The following MARCHF1 variants were observed in gnomAD, a reference collection of about 807,000 sequenced individuals.
MARCHF1 encodes membrane associated ring-CH-type finger 1, also known as E3 ubiquitin-protein ligase MARCHF1.
In MARCHF1, 40 loss-of-function variants were observed where a neutral mutation model predicts 54.2. The observed-to-expected ratio is 0.74, with a 90% CI of 0.57 to 0.96. The LOEUF (loss-of-function observed/expected upper bound fraction) is 0.96, where lower values mean the gene tolerates loss of function less well. MARCHF1 is among the 40% of genes least tolerant of loss of function. The pLI is 0.00. For missense variants in MARCHF1, 586 were observed against 656.5 expected (o/e 0.89, Z 1.17); for synonymous variants, 236 against 236.3 (o/e 1.00, Z 0.01).
At chr4:164,292,588 C>G (rs946394493) in intron 1 of MARCHF1, among the ~76,000 whole-genome samples, 1 of 152,122 alleles carries the variant, frequency 6.6e-6, no homozygotes, top group African/African-American at 2.4e-5. Flanking sequence ...TGTCATGCCA[C>G]AAGGATTAAC....
chr4:163,679,981 T>A, intron 5 of MARCHF1, among the ~76,000 whole-genome samples: 1 of 2,208 alleles, frequency 4.5e-4, no homozygotes, highest in South Asian at 0.036. Flanking sequence ...TTTTATCTGT[T>A]TTTTTTTTTT....
intron 1 of MARCHF1, among the ~76,000 whole-genome samples, chr4:164,167,981 C>T (rs935705628): frequency 6.6e-6 from 1 of 151,806 alleles, no homozygotes; most frequent in African/African-American, 2.4e-5. Context: ...AATGAAAAGC[C>T]AATCTAGGTA....
At position 164,134,827 on chromosome 4, in the gene MARCHF1, G is replaced by A. The variant is rs112474799; in HGVS notation, c.-322-23165C>T. On this transcript the variant is annotated intron_variant, in intron 1 of 9. Coordinates refer to ENST00000514618, the MANE Select transcript of MARCHF1 (RefSeq NM_001394959.1). ...AAAGCACAAAAACAAGTATTATGGA[G>A]TCTGTCAGAGAATCAGTCTTAGTAA... is the stretch of plus-strand genomic sequence containing the variant. 5.1e-3 allele frequency among the ~76,000 whole-genome samples: 749 copies of A among 147,100 alleles called. 2 individuals carry two copies. Among genetic ancestry groups the A allele is most frequent in the African/African-American group, 0.017 (695 of 40,096 alleles).
At chr4:164,004,049 A>G (rs1753236952) in intron 2 of MARCHF1, among the ~76,000 whole-genome samples, 1 of 152,084 alleles carries the variant, frequency 6.6e-6, no homozygotes, top group South Asian at 2.1e-4. Flanking sequence ...AAAACCAAGT[A>G]TTGCCTGTGT....
intron 3 of MARCHF1, among the ~76,000 whole-genome samples, chr4:163,903,231 TTCCCTTG>T (rs1028987471): frequency 5.2e-5 from 2 of 38,712 alleles, no homozygotes; most frequent in African/African-American, 1.1e-4. Flanking sequence ...CTGATCTTCC[TTCCCTTG>T]TGTGTGTGTG....
chr4:164,378,775 G>A (rs985771244), intron 1 of MARCHF1, among the ~76,000 whole-genome samples: 21 of 152,190 alleles, frequency 1.4e-4, no homozygotes, highest in South Asian at 2.1e-4. Context: ...GCAATGGCAC[G>A]ATCTTGGCTT....
intron 2 of MARCHF1, among the ~76,000 whole-genome samples, chr4:164,107,175 A>C (rs1292859306): frequency 1.3e-5 from 2 of 152,114 alleles, no homozygotes; most frequent in Non-Finnish European, 2.9e-5. Flanking sequence ...AAATTATCTA[A>C]TTTTGTACTT....
intron 7 of MARCHF1, among the ~76,000 whole-genome samples, chr4:163,607,077 C>T (rs1741168742): frequency 6.6e-6 from 1 of 152,066 alleles, no homozygotes; most frequent in African/African-American, 2.4e-5. Context: ...AATGACTCCT[C>T]ACAGAGAAGG....
At chr4:164,061,856 A>C (rs1462428065) in intron 2 of MARCHF1, among the ~76,000 whole-genome samples, 1 of 152,162 alleles carries the variant, frequency 6.6e-6, no homozygotes, top group East Asian at 1.9e-4. Flanking sequence ...CCCTGATGTT[A>C]ATGGATGCTG....
At chr4:163,652,594 A>T (rs886599544) in intron 5 of MARCHF1, among the ~76,000 whole-genome samples, 1 of 151,818 alleles carries the variant, frequency 6.6e-6, no homozygotes, top group Non-Finnish European at 1.5e-5. Context: ...TTCCAGTAAC[A>T]CTGTGACATA....
At chr4:163,613,963 A>G (rs1172090720) in intron 5 of MARCHF1, among the ~76,000 whole-genome samples, 1 of 152,130 alleles carries the variant, frequency 6.6e-6, no homozygotes, top group Non-Finnish European at 1.5e-5. Flanking sequence ...ATATCTTTTA[A>G]CCCTATAACC....
At chr4:163,581,825 C>T (rs1740243116) in intron 8 of MARCHF1, among the ~76,000 whole-genome samples, 1 of 152,040 alleles carries the variant, frequency 6.6e-6, no homozygotes, top group South Asian at 2.1e-4. Context: ...TTTTGATCTA[C>T]AAAAATGGTG....
At chr4:164,135,446 G>A (rs1382938486) in intron 1 of MARCHF1, 2 of 152,184 alleles carry the variant, frequency 1.3e-5, no homozygotes, top group East Asian at 3.9e-4. Flanking sequence ...GGAGGCCTCA[G>A]AAAATTCACA....
At chr4:163,687,905 C>G (rs189609893) in intron 5 of MARCHF1, among the ~76,000 whole-genome samples, 2 of 152,282 alleles carry the variant, frequency 1.3e-5, no homozygotes, top group African/African-American at 4.8e-5. Context: ...TGAGGGAATA[C>G]ATGATGTGAC....
At chr4:164,122,461 C>T (rs1756088299) in intron 1 of MARCHF1, among the ~76,000 whole-genome samples, 1 of 152,020 alleles carries the variant, frequency 6.6e-6, no homozygotes, top group Non-Finnish European at 1.5e-5. Flanking sequence ...TAAGATAGTG[C>T]TGATCAACTG....
At chr4:164,172,708 T>G (rs1306518749) in intron 1 of MARCHF1, among the ~76,000 whole-genome samples, 1 of 152,344 alleles carries the variant, frequency 6.6e-6, no homozygotes, top group African/African-American at 2.4e-5. Context: ...CTGGGCGCGG[T>G]GGCTCACGCC....
At chr4:164,123,733 A>G (rs935230864) in intron 1 of MARCHF1, among the ~76,000 whole-genome samples, 2 of 152,154 alleles carry the variant, frequency 1.3e-5, no homozygotes, top group Non-Finnish European at 2.9e-5. Flanking sequence ...TTCTGGAAAA[A>G]CTGGATATTC....
intron 3 of MARCHF1, among the ~76,000 whole-genome samples, chr4:163,968,317 T>C (rs1435166684): frequency 6.6e-6 from 1 of 152,162 alleles, no homozygotes; most frequent in Admixed American, 6.6e-5. Flanking sequence ...AAGACACTCA[T>C]GCTACATAGG....
intron 5 of MARCHF1, among the ~76,000 whole-genome samples, chr4:163,621,110 C>G (rs1418274724): frequency 1.3e-5 from 2 of 152,098 alleles, no homozygotes; most frequent in Admixed American, 1.3e-4. Flanking sequence ...AATCATTGAT[C>G]TGATAACTGT....
Sources: allele counts gnomAD v4.1 joint callset (sites outside exome capture counted in the v4.1 genomes callset), GRCh38; gene constraint gnomAD v4.1.1; transcripts MANE v1.5; gene names NCBI Gene and HGNC (gene_info 2026-07-23, HGNC 2026-07-21).